Variants in ARPP21 observed in about 807,000 individuals in gnomAD.
The protein encoded by ARPP21 is cAMP-regulated phosphoprotein 21.
A neutral mutation model predicts 113.2 loss-of-function variants in ARPP21; 69 were observed. That is an observed-to-expected ratio of 0.61 (90% confidence interval 0.50 to 0.74). The LOEUF (loss-of-function observed/expected upper bound fraction) is 0.74. ARPP21 is among the 30% of genes least tolerant of loss of function. The pLI, the probability that ARPP21 is intolerant of heterozygous loss-of-function variation, is 0.00. For synonymous variants in ARPP21, 368 were observed against 375.5 expected, an observed-to-expected ratio of 0.98 and a Z score of 0.23; for missense variants, 1,070 against 1,037.4, an observed-to-expected ratio of 1.03 and a Z score of -0.43.
chr3:35,685,210 T>C (rs78224787), intron 5 of ARPP21: 637 of 985,364 alleles, frequency 6.5e-4, no homozygotes, highest in Non-Finnish European at 7.3e-4. Flanking sequence ...AGGGATCAAC[T>C]GTATCACAGT....
chr3:35,778,433 G>C (rs559287014), intron 19 of ARPP21, among the ~76,000 whole-genome samples: 14 of 151,762 alleles, frequency 9.2e-5, no homozygotes, highest in Admixed American at 5.9e-4. Context: ...AGTCCTCACC[G>C]TTCCCTTTTC....
intron 15 of ARPP21, among the ~76,000 whole-genome samples, chr3:35,736,830 C>T (rs776800687): frequency 2.0e-5 from 3 of 152,164 alleles, no homozygotes; most frequent in Non-Finnish European, 2.9e-5. Flanking sequence ...TCACTAATGG[C>T]TGTGAGGTGC....
At chr3:35,772,452 A>T (rs2096236543) in intron 19 of ARPP21, among the ~76,000 whole-genome samples, 1 of 152,308 alleles carries the variant, frequency 6.6e-6, no homozygotes, top group Middle Eastern at 3.4e-3. Flanking sequence ...ACCTACTCAG[A>T]GCCTTACTAC....
intron 15 of ARPP21, among the ~76,000 whole-genome samples, chr3:35,736,142 AGGTTGCTT>A (rs1198858883): frequency 6.6e-6 from 1 of 152,160 alleles, no homozygotes; most frequent in Non-Finnish European, 1.5e-5. Context: ...ATTTCTGAAT[AGGTTGCTT>A]GGTCCCCCTG....
chr3:35,776,521 C>T (rs1301771895), intron 19 of ARPP21, among the ~76,000 whole-genome samples: 1 of 152,124 alleles, frequency 6.6e-6, no homozygotes, highest in African/African-American at 2.4e-5. Context: ...TGGAAAGGTA[C>T]CTGCTTGAAT....
At chr3:35,784,801 G>A (rs1014554160) in intron 19 of ARPP21, 3 of 152,132 alleles carry the variant, frequency 2.0e-5, no homozygotes, top group African/African-American at 7.2e-5. Context: ...TATATAAAGA[G>A]GGCACTTTTA....
intron 1 of ARPP21, among the ~76,000 whole-genome samples, chr3:35,644,662 C>T (rs1422760040): frequency 6.6e-6 from 1 of 151,792 alleles, no homozygotes; most frequent in East Asian, 1.9e-4. Context: ...TACATCAAGA[C>T]AGTGGAGGGG....
intron 10 of ARPP21, among the ~76,000 whole-genome samples, chr3:35,708,096 A>G (rs1380987590): frequency 6.6e-6 from 1 of 151,904 alleles, no homozygotes; most frequent in East Asian, 1.9e-4. Flanking sequence ...CATCATTTGT[A>G]TCTCGTTTCC....
intron 13 of ARPP21, among the ~76,000 whole-genome samples, chr3:35,720,269 T>C (rs2092924016): frequency 6.6e-6 from 1 of 152,228 alleles, no homozygotes; most frequent in Non-Finnish European, 1.5e-5. Flanking sequence ...ACAAAGTTCC[T>C]GTCACAAATC....
chr3:35,705,536 CTTGAGGTTTGAGG>C (rs1245624758), intron 9 of ARPP21, among the ~76,000 whole-genome samples: 2 of 152,056 alleles, frequency 1.3e-5, no homozygotes, highest in Non-Finnish European at 2.9e-5. Flanking sequence ...TGTTCTTTAT[CTTGAGGTTTGAGG>C]GCCTTCAGCC....
chr3:35,707,141 T>C, intron 10 of ARPP21, 59 bp downstream of exon 10: 2 of 1,300,942 alleles, frequency 1.5e-6, no homozygotes, highest in South Asian at 1.2e-5. Flanking sequence ...GGCTGACTGA[T>C]GTTCATGTCG....
At chr3:35,663,947 GT>G (rs1297455544) in intron 1 of ARPP21, among the ~76,000 whole-genome samples, 1 of 152,166 alleles carries the variant, frequency 6.6e-6, no homozygotes, top group African/African-American at 2.4e-5. Context: ...ATTATGCTGT[GT>G]AACCGAGGGT....
intron 18 of ARPP21, among the ~76,000 whole-genome samples, chr3:35,741,215 C>T (rs972930344): frequency 7.2e-5 from 11 of 152,116 alleles, no homozygotes; most frequent in Non-Finnish European, 1.3e-4. Flanking sequence ...ATTCATAACC[C>T]CTCTTGTGTC....
In ARPP21 at chr3:35,713,296, A is replaced by G. The variant is rs532244762; in HGVS notation, c.898-2143A>G. ...CTAGTGAATCACAGCCCATAACTGT[A>G]TCTATCTTATTTATGAAAATGTAGT... On this transcript the variant is annotated intron_variant, in intron 11 of 20. Coordinates refer to ENST00000684406, the MANE Select transcript of ARPP21 (RefSeq NM_001385562.1). Among the ~76,000 whole-genome samples the G allele has an allele frequency of 1.1e-4, 16 of 152,278 alleles. 1 individual carries two copies. The South Asian group carries it at 2.3e-3, about 22-fold the overall frequency.
chr3:35,704,740 G>T (rs143956381), intron 9 of ARPP21, among the ~76,000 whole-genome samples: 1 of 151,742 alleles, frequency 6.6e-6, no homozygotes, highest in Non-Finnish European at 1.5e-5. Flanking sequence ...GAATAGCCGC[G>T]CTAAATGTTC....
intron 6 of ARPP21, 39 bp downstream of exon 6, chr3:35,687,922 G>T (rs2081081549): frequency 6.4e-7 from 1 of 1,554,424 alleles, no homozygotes; most frequent in African/African-American, 1.4e-5. Flanking sequence ...CTCAATTTGG[G>T]CACACACATA....
chr3:35,689,611 A>C (rs1369440158), intron 7 of ARPP21, among the ~76,000 whole-genome samples: 1 of 151,714 alleles, frequency 6.6e-6, no homozygotes, highest in East Asian at 2.0e-4. Flanking sequence ...ATACTTTAAC[A>C]GTTCTGCTTT....
At chr3:35,662,312 G>T (rs1708199106) in intron 1 of ARPP21, among the ~76,000 whole-genome samples, 1 of 152,160 alleles carries the variant, frequency 6.6e-6, no homozygotes, top group African/African-American at 2.4e-5. Context: ...ATTAAGAGGA[G>T]CTAACAATGG....
chr3:35,705,074 T>C (rs1467843221), intron 9 of ARPP21, among the ~76,000 whole-genome samples: 1 of 152,068 alleles, frequency 6.6e-6, no homozygotes, highest in Non-Finnish European at 1.5e-5. Flanking sequence ...TAGTAAATCA[T>C]TTCACTTAAC....
Sources: allele counts gnomAD v4.1 joint callset (sites outside exome capture counted in the v4.1 genomes callset), GRCh38; gene constraint gnomAD v4.1.1; transcripts MANE v1.5; gene names NCBI Gene and HGNC (gene_info 2026-07-23, HGNC 2026-07-21).